The following MGAT4C variants were observed in gnomAD, a reference collection of about 807,000 sequenced individuals.
The protein encoded by MGAT4C is alpha-1,3-mannosyl-glycoprotein 4-beta-N-acetylglucosaminyltransferase C.
A neutral mutation model predicts 40.1 loss-of-function variants in MGAT4C; 19 were observed. That is an observed-to-expected ratio of 0.47 (90% CI 0.33 to 0.70). MGAT4C has a LOEUF of 0.70. Ranked by LOEUF, MGAT4C falls within the 30% of genes least tolerant of loss-of-function variation. The probability of loss-of-function intolerance (pLI) is 0.02; values close to 1 mark genes in which losing one functional copy is unlikely to be tolerated. For missense variants in MGAT4C, 491 were observed against 563.2 expected (o/e 0.87, Z 1.30); for synonymous variants, 181 against 187.1 (o/e 0.97, Z 0.27).
At chr12:86,174,787 G>T (rs1218884387) in intron 1 of MGAT4C, among the ~76,000 whole-genome samples, 1 of 150,754 alleles carries the variant, frequency 6.6e-6, no homozygotes, top group Non-Finnish European at 1.5e-5. Context: ...AGAAACAAAA[G>T]ATAAAGAAGA....
At chr12:86,110,302 A>ATATATATAGACTATATATATATAGTC (rs1555224769) in intron 1 of MGAT4C, among the ~76,000 whole-genome samples, 1 of 82,912 alleles carries the variant, frequency 1.2e-5, no homozygotes, top group African/African-American at 6.5e-5. Flanking sequence ...TAGTCTCTCT[A>ATATATATAGACTATATATATATAGTC]TATATATATA....
At chr12:86,667,486 G>A (rs938697526) in intron 2 of MGAT4C, among the ~76,000 whole-genome samples, 1 of 152,180 alleles carries the variant, frequency 6.6e-6, no homozygotes, top group Admixed American at 6.5e-5. Context: ...ATCAGACTGT[G>A]ACTTAAGCAA....
intron 4 of MGAT4C, among the ~76,000 whole-genome samples, chr12:86,319,683 TA>T (rs1182583932): frequency 1.3e-5 from 2 of 152,206 alleles, no homozygotes; most frequent in South Asian, 2.1e-4. Flanking sequence ...ATGTTGGTTA[TA>T]TTTTTTTAAG....
chr12:86,301,265 A>G (rs1953803559), intron 4 of MGAT4C, among the ~76,000 whole-genome samples: 1 of 152,176 alleles, frequency 6.6e-6, no homozygotes, highest in Non-Finnish European at 1.5e-5. Flanking sequence ...GATAAGAATC[A>G]TTTATCATGA....
chr12:86,632,697 A>T (rs1036405057), intron 2 of MGAT4C, among the ~76,000 whole-genome samples: 2 of 151,476 alleles, frequency 1.3e-5, no homozygotes, highest in Admixed American at 1.3e-4. Flanking sequence ...CATAGGTGGG[A>T]ACTGAACAAT....
Position 86,717,204 on chromosome 12 carries a change from A to G in MGAT4C, c.-229+10005T>C, listed in dbSNP as rs532504527. ...ATTACAAAAAAAAAAGCTCAGAAAG[A>G]CAAATTTGAAGCAAATATAACAAAT... On this transcript the variant is annotated intron_variant, in intron 2 of 7. Coordinates refer to the MGAT4C transcript ENST00000548651. Among the ~76,000 whole-genome samples, 9 of 152,136 alleles carry G rather than the reference A, an allele frequency of 5.9e-5. No individual in the cohort carries two copies. In the South Asian group the frequency reaches 1.9e-3, roughly 32 times the overall value.
chr12:86,034,500 A>T (rs952334773), intron 2 of MGAT4C, among the ~76,000 whole-genome samples: 1 of 148,394 alleles, frequency 6.7e-6, no homozygotes, highest in South Asian at 2.1e-4. Flanking sequence ...GAATTGACCA[A>T]TTTTTTTTCC....
chr12:86,573,486 C>T (rs1455996610), intron 2 of MGAT4C, among the ~76,000 whole-genome samples: 3 of 152,002 alleles, frequency 2.0e-5, no homozygotes, highest in Non-Finnish European at 4.4e-5. Context: ...TCAAAACATG[C>T]TTACTGTTTG....
intron 2 of MGAT4C, among the ~76,000 whole-genome samples, chr12:86,489,619 T>C (rs1325466028): frequency 6.6e-6 from 1 of 152,222 alleles, no homozygotes; most frequent in East Asian, 1.9e-4. Flanking sequence ...CTGTGGGACA[T>C]GCATGAAGTT....
intron 1 of MGAT4C, among the ~76,000 whole-genome samples, chr12:86,222,716 C>G (rs1243111378): frequency 6.6e-6 from 1 of 152,068 alleles, no homozygotes; most frequent in Non-Finnish European, 1.5e-5. Flanking sequence ...CTAGTTGTTT[C>G]TTTTCTAAAA....
At chr12:86,390,530 T>G (rs1449526699) in intron 3 of MGAT4C, among the ~76,000 whole-genome samples, 1 of 152,160 alleles carries the variant, frequency 6.6e-6, no homozygotes, top group Non-Finnish European at 1.5e-5. Flanking sequence ...TATAATCCTG[T>G]GTACTTATCA....
At chr12:86,014,164 C>T (rs1888818573) in intron 2 of MGAT4C, among the ~76,000 whole-genome samples, 1 of 152,164 alleles carries the variant, frequency 6.6e-6, no homozygotes, top group East Asian at 1.9e-4. Context: ...TCACCTGCCA[C>T]AATGTTTCCT....
chr12:86,765,679 T>C (rs1431878940), intron 1 of MGAT4C, among the ~76,000 whole-genome samples: 3 of 152,086 alleles, frequency 2.0e-5, no homozygotes, highest in Non-Finnish European at 2.9e-5. Flanking sequence ...CGGCAGAAAC[T>C]CTACAAGCCA....
At chr12:86,292,688 A>G (rs1953554201) in intron 4 of MGAT4C, among the ~76,000 whole-genome samples, 1 of 152,294 alleles carries the variant, frequency 6.6e-6, no homozygotes, top group East Asian at 1.9e-4. Context: ...GTTCCATTCT[A>G]TTTGACCTTA....
At chr12:85,993,605 G>T (rs1044675755) in intron 2 of MGAT4C, among the ~76,000 whole-genome samples, 1 of 152,120 alleles carries the variant, frequency 6.6e-6, no homozygotes, top group African/African-American at 2.4e-5. Flanking sequence ...TGGTCCTAGG[G>T]GGATGAGTTA....
At chr12:86,708,865 A>T (rs1480973387) in intron 2 of MGAT4C, among the ~76,000 whole-genome samples, 1 of 152,172 alleles carries the variant, frequency 6.6e-6, no homozygotes, top group African/African-American at 2.4e-5. Context: ...TCTATGAAGT[A>T]AGTAACTTGC....
chr12:86,000,919 T>C (rs1887223843), intron 2 of MGAT4C, among the ~76,000 whole-genome samples: 1 of 152,118 alleles, frequency 6.6e-6, no homozygotes, highest in Admixed American at 6.6e-5. Flanking sequence ...TAAGCTGTGG[T>C]TTCATATTTC....
At chr12:86,354,186 G>C (rs1275195452) in intron 3 of MGAT4C, among the ~76,000 whole-genome samples, 1 of 152,124 alleles carries the variant, frequency 6.6e-6, no homozygotes, top group East Asian at 1.9e-4. Flanking sequence ...ATAGTGAATA[G>C]AAGTTGGGTC....
chr12:86,352,432 T>C (rs943505756), intron 3 of MGAT4C, among the ~76,000 whole-genome samples: 8 of 152,144 alleles, frequency 5.3e-5, no homozygotes, highest in Non-Finnish European at 1.0e-4. Flanking sequence ...GCACTTTTCC[T>C]ATGTATACGA....
Sources: gnomAD v4.1 joint callset for allele counts (sites outside exome capture counted in the v4.1 genomes callset) on GRCh38, gnomAD v4.1.1 for gene constraint, MANE v1.5 for transcripts, NCBI Gene and HGNC (gene_info 2026-07-23, HGNC 2026-07-21) for gene names.